Variants in DNAH14 observed in about 807,000 individuals in gnomAD.
DNAH14 encodes axonemal beta dynein heavy chain 14.
DNAH14 carries 478 observed loss-of-function variants against 520.9 expected under a neutral mutation model. The observed-to-expected ratio is 0.92, with a 90% CI of 0.85 to 0.99. The LOEUF is 0.99. Ranked by LOEUF, DNAH14 falls within the 50% of genes least tolerant of loss-of-function variation. DNAH14 has a pLI of 0.00. For synonymous variants in DNAH14, 1,581 were observed against 1,757.2 expected, an observed-to-expected ratio of 0.90 and a Z score of 2.51; for missense variants, 4,831 against 5,234.5, an observed-to-expected ratio of 0.92 and a Z score of 2.38.
intron 38 of DNAH14, among the ~76,000 whole-genome samples, chr1:225,194,674 A>T (rs562994156): frequency 2.0e-5 from 3 of 152,154 alleles, no homozygotes; most frequent in Admixed American, 6.6e-5. Flanking sequence ...GATAATTGGG[A>T]CCTAATTAAA....
At chr1:225,141,138 C>G in intron 28 of DNAH14, 117 bp downstream of exon 28, 1 of 1,029,882 alleles carries the variant, frequency 9.7e-7, no homozygotes, top group Non-Finnish European at 1.4e-6. Flanking sequence ...GGGGCTTTAC[C>G]AAAATTCTAA....
Position 225,380,215 on chromosome 1 carries a change from G to A in DNAH14, c.12773G>A (p.Arg4258Gln), listed in dbSNP as rs761586943. The A allele has an allele frequency of 1.1e-5, 17 of 1,551,476 alleles. No homozygotes were observed. Among genetic ancestry groups the A allele is most frequent in the Middle Eastern group, 1.7e-4 (1 of 6,014 alleles). Residue 4258 changes from arginine to glutamine, a missense_variant, in exon 80 of 86, where the codon CGG becomes CAG. Coordinates refer to ENST00000682510, the MANE Select transcript of DNAH14 (RefSeq NM_001367479.1). Reference sequence around the variant, plus strand: ...GAAATTCTATCCGACTTGCTAAAGCGGCTGCCACTGACAGTGGAGAAAGAA... The same window carrying A: ...GAAATTCTATCCGACTTGCTAAAGCAGCTGCCACTGACAGTGGAGAAAGAA... ...VMEILSDLLK[R>Q]LPLTVEKEEI...
intron 42 of DNAH14, among the ~76,000 whole-genome samples, chr1:225,236,123 AGT>A (rs1012486073): frequency 1.3e-5 from 2 of 151,828 alleles, no homozygotes; most frequent in African/African-American, 4.8e-5. Flanking sequence ...TTGTGATGGT[AGT>A]GTGTTGAGAT....
intron 41 of DNAH14, among the ~76,000 whole-genome samples, chr1:225,214,684 T>G (rs1050197745): frequency 2.0e-5 from 3 of 152,234 alleles, no homozygotes; most frequent in Non-Finnish European, 4.4e-5. Context: ...GATTTTCTAG[T>G]TTATTTGCAT....
At chr1:225,259,414 T>C (rs1475366235) in intron 46 of DNAH14, among the ~76,000 whole-genome samples, 161 bp downstream of exon 46, 1 of 152,190 alleles carries the variant, frequency 6.6e-6, no homozygotes, top group Non-Finnish European at 1.5e-5. Flanking sequence ...CTGATTTCTC[T>C]TTTATTTTTT....
chr1:224,944,852 T>G (rs994098893), intron 1 of DNAH14, among the ~76,000 whole-genome samples: 1 of 152,256 alleles, frequency 6.6e-6, no homozygotes, highest in Non-Finnish European at 1.5e-5. Flanking sequence ...GAGTTTCTGC[T>G]GAGAGATCAG....
chr1:225,115,254 C>T (rs1189664882), intron 23 of DNAH14, among the ~76,000 whole-genome samples: 5 of 152,146 alleles, frequency 3.3e-5, no homozygotes, highest in Admixed American at 6.6e-5. Context: ...GTGGGTCAGA[C>T]GCGAAGCCAG....
intron 77 of DNAH14, among the ~76,000 whole-genome samples, chr1:225,373,616 ATGTC>A (rs1332854109): frequency 6.6e-6 from 1 of 152,148 alleles, no homozygotes; most frequent in Non-Finnish European, 1.5e-5. Context: ...TGCAAATAGA[ATGTC>A]TGTGTAAGGA....
chr1:225,289,885 A>T lies in DNAH14; in HGVS notation c.8272A>T (p.Ile2758Phe), dbSNP rs773836411. 2 of 1,380,512 alleles carry T rather than the reference A, an allele frequency of 1.4e-6. No homozygotes were observed. The highest frequency in any genetic ancestry group is 2.9e-5 in the African/African-American group (2 of 68,046). The allele number at this position is 1,380,512 out of a possible 1,614,324, so 85.5% of individuals were successfully genotyped here. A position where few individuals can be genotyped will look rare whatever the true frequency, so the allele number is the denominator to read the frequency against. The change falls in exon 55 of 86, where the codon ATT becomes TTT. Residue 2758 changes from isoleucine to phenylalanine, a missense_variant and splice_region_variant. Coordinates refer to ENST00000682510, the MANE Select transcript of DNAH14 (RefSeq NM_001367479.1). ...GTGTTGTATTTCTTTTCTCCCAAAGATTGGAATAGATGGATGTGGGAAAAA... is the reference window on the plus strand; with the variant it reads ...GTGTTGTATTTCTTTTCTCCCAAAGTTTGGAATAGATGGATGTGGGAAAAA... ...LRQPGSHMLLIGIDGCGKKTC... is the reference protein window; with the variant it reads ...LRQPGSHMLLFGIDGCGKKTC...
At chr1:225,274,230 A>T (rs1574450252) in intron 52 of DNAH14, among the ~76,000 whole-genome samples, 1 of 74,554 alleles carries the variant, frequency 1.3e-5, no homozygotes, top group African/African-American at 5.5e-5. Flanking sequence ...TTTGAGACGG[A>T]GTCTCGTTCT....
chr1:225,080,173 T>A (rs1443080387), intron 18 of DNAH14, among the ~76,000 whole-genome samples: 2 of 152,196 alleles, frequency 1.3e-5, no homozygotes, highest in Non-Finnish European at 2.9e-5. Flanking sequence ...CCAAATGGGC[T>A]CATGGCATAA....
At chr1:225,043,168 G>T in intron 13 of DNAH14, 54 bp downstream of exon 13, 2 of 1,484,002 alleles carry the variant, frequency 1.3e-6, no homozygotes, top group Non-Finnish European at 1.8e-6. Flanking sequence ...GGTGGCTCAT[G>T]CCTGCAATCC....
chr1:225,030,342 A>T (rs1453932585), intron 11 of DNAH14, among the ~76,000 whole-genome samples: 3 of 151,884 alleles, frequency 2.0e-5, no homozygotes, highest in Non-Finnish European at 4.4e-5. Flanking sequence ...AATTGTCTTA[A>T]TTTTCTTAAG....
intron 17 of DNAH14, among the ~76,000 whole-genome samples, chr1:225,063,462 T>C (rs1045277925): frequency 6.6e-6 from 1 of 152,110 alleles, no homozygotes; most frequent in Non-Finnish European, 1.5e-5. Flanking sequence ...AATCTATGGA[T>C]GCGAAAGCCA....
At chr1:225,184,942 G>A (rs984018160) in intron 36 of DNAH14, among the ~76,000 whole-genome samples, 2 of 152,018 alleles carry the variant, frequency 1.3e-5, no homozygotes, top group African/African-American at 2.4e-5. Flanking sequence ...AGAAATAAAA[G>A]ACATCCAAAT....
At position 225,238,090 on chromosome 1, in the gene DNAH14, A is replaced by G. The variant is rs147996901; in HGVS notation, c.6519-2503A>G. On this transcript the variant is annotated intron_variant, in intron 42 of 85. Coordinates refer to ENST00000682510, the MANE Select transcript of DNAH14 (RefSeq NM_001367479.1). ...CTTTAAGTCAGCAAAGTTCATTATT[A>G]CCCACATTCTGAAGCTTACTTCTGT... Among the ~76,000 whole-genome samples the G allele has an allele frequency of 4.6e-5, 7 of 152,196 alleles. No individual in the cohort carries two copies. In the East Asian group the frequency reaches 1.4e-3, roughly 29 times the overall value.
At chr1:225,050,430 G>T in intron 16 of DNAH14, 54 bp downstream of exon 16, 1 of 1,459,556 alleles carries the variant, frequency 6.9e-7, no homozygotes, top group Non-Finnish European at 9.1e-7. Context: ...GAAACCCACT[G>T]AATTCTTAAA....
intron 27 of DNAH14, among the ~76,000 whole-genome samples, chr1:225,129,951 T>A (rs1309170282): frequency 2.6e-5 from 4 of 151,968 alleles, no homozygotes; most frequent in Non-Finnish European, 5.9e-5. Flanking sequence ...GAATCTACAA[T>A]GAACTCAAAC....
intron 71 of DNAH14, among the ~76,000 whole-genome samples, chr1:225,348,352 A>G (rs2095317160): frequency 1.3e-5 from 2 of 152,158 alleles, no homozygotes; most frequent in Non-Finnish European, 1.5e-5. Context: ...CTAAGGAAAG[A>G]AAAAAACATA....
Sources: gnomAD v4.1 joint callset for allele counts (sites outside exome capture counted in the v4.1 genomes callset) on GRCh38, gnomAD v4.1.1 for gene constraint, MANE v1.5 for transcripts, NCBI Gene and HGNC (gene_info 2026-07-23, HGNC 2026-07-21) for gene names.